Variants in ZNF429 observed in about 807,000 individuals in gnomAD.
ZNF429 encodes the protein zinc finger protein 429.
ZNF429 carries 53 observed loss-of-function variants against 56.8 expected under a neutral mutation model. The ratio of observed to expected loss-of-function variants is 0.93; its 90% CI spans 0.75 to 1.17. ZNF429 has a LOEUF of 1.17. Among genes scored for constraint, ZNF429 ranks in the 50% most tolerant of loss-of-function variants. The probability of loss-of-function intolerance (pLI) is 0.00; values close to 1 mark genes in which losing one functional copy is unlikely to be tolerated. For synonymous variants in ZNF429, 278 were observed against 264.7 expected, an observed-to-expected ratio of 1.05 and a Z score of -0.49; for missense variants, 849 against 788.4, an observed-to-expected ratio of 1.08 and a Z score of -0.92.
At position 21,539,210 on chromosome 19, in the gene ZNF429, A is replaced by G. The variant is rs902466382; in HGVS notation, c.*1132A>G. Among the ~76,000 whole-genome samples, 1 of 152,166 alleles carries G rather than the reference A, an allele frequency of 6.6e-6. No homozygotes were observed. Among genetic ancestry groups the G allele is most frequent in the Non-Finnish European group, 1.5e-5 (1 of 68,016 alleles). On this transcript the variant is annotated 3_prime_UTR_variant, in exon 4 of 4. Coordinates refer to ENST00000358491, the MANE Select transcript of ZNF429 (RefSeq NM_001001415.4). The stretch of plus-strand genomic sequence containing the variant: ...TCATACATAGATATGTATGATATTG[A>G]ATACATGTATTAAATACATAGAATA...
At position 21,538,676 on chromosome 19, in the gene ZNF429, C is replaced by G. The variant is rs1174436776; in HGVS notation, c.*598C>G. 1 of 152,094 alleles carries G rather than the reference C, an allele frequency of 6.6e-6. No homozygotes were observed. The highest frequency in any genetic ancestry group is 2.1e-4 in the South Asian group (1 of 4,820). The allele number at this position is 152,094 out of a possible 1,614,324, so 9.4% of individuals were successfully genotyped here. ...TACAAATGTGTAGAATGTGGCAAAA[C>G]TCGTTTTAACTAATGCTCACATCTT... On this transcript the variant is annotated 3_prime_UTR_variant, in exon 4 of 4. Transcript: ENST00000358491.
chr19:21,532,711 T>C, intron 3 of ZNF429, among the ~76,000 whole-genome samples: 1 of 152,004 alleles, frequency 6.6e-6, no homozygotes, highest in Non-Finnish European at 1.5e-5. Context: ...TTTTTTTTTT[T>C]TTTGGAGACG....
chr19:21,522,524 C>T (rs1307228106), intron 1 of ZNF429, among the ~76,000 whole-genome samples: 1 of 152,160 alleles, frequency 6.6e-6, no homozygotes, highest in Non-Finnish European at 1.5e-5. Flanking sequence ...AATTACCATA[C>T]ATGATATAAA....
At chr19:21,529,863 AT>A in intron 2 of ZNF429, 79 bp downstream of exon 2, 7 of 1,068,006 alleles carry the variant, frequency 6.6e-6, no homozygotes, top group Non-Finnish European at 9.0e-6. Flanking sequence ...TTCTTTGGTA[AT>A]TTATGCTTTG....
rs543915241 is a variant in ZNF429, at chr19:21,519,504, T to A, written c.4-10154T>A. Among the ~76,000 whole-genome samples, 7 of 152,358 alleles carry A rather than the reference T, an allele frequency of 4.6e-5. No homozygotes were observed. The South Asian group carries it at 1.2e-3, about 27-fold the overall frequency. ...ACATAGTAAGAGTCATATGTAAGTC[T>A]GAGTTATAAACCTGTCATAGTATGA... On this transcript the variant is annotated intron_variant, in intron 1 of 3. Coordinates refer to ENST00000358491, the MANE Select transcript of ZNF429 (RefSeq NM_001001415.4).
At position 21,537,731 on chromosome 19, in the gene ZNF429, A is replaced by G. The variant is rs974555918; in HGVS notation, c.1678A>G (p.Thr560Ala). 2 of 1,614,072 alleles carry G rather than the reference A, an allele frequency of 1.2e-6. No homozygotes were observed. Among genetic ancestry groups the G allele is most frequent in the African/African-American group, 1.3e-5 (1 of 75,022 alleles). The change falls in exon 4 of 4, where the codon ACT becomes GCT. Residue 560 changes from threonine to alanine, a missense_variant. Coordinates refer to ENST00000358491, the MANE Select transcript of ZNF429 (RefSeq NM_001001415.4). ...SRLTQHKKIHTGEKPYKCKQC... is the reference protein window; with the variant it reads ...SRLTQHKKIHAGEKPYKCKQC... ...ACTTACTCAACATAAGAAAATTCAT[A>G]CTGGAGAGAAACCCTACAAATGTAA... is the stretch of plus-strand genomic sequence containing the variant.
In ZNF429 at chr19:21,539,369, A is replaced by T. The variant is rs1265498573; in HGVS notation, c.*1291A>T. Among the ~76,000 whole-genome samples the T allele has an allele frequency of 6.6e-6, 1 of 152,192 alleles. No individual in the cohort carries two copies. ...AAACTAAAGTTGTTAAATTATTTGT[A>T]TATAACTTTTAAAAGAGTGGAAGAT... On this transcript the variant is annotated 3_prime_UTR_variant, in exon 4 of 4. Transcript: ENST00000358491.
Position 21,537,219 on chromosome 19 carries a change from AAAT to A in ZNF429, c.1167_1169del (p.Lys389_Ile390delinsAsn). The A allele has an allele frequency of 6.2e-7, 1 of 1,613,180 alleles. No homozygotes were observed. Among genetic ancestry groups the A allele is most frequent in the Non-Finnish European group, 8.5e-7 (1 of 1,179,758 alleles). ...TCTTCAAGACTTACTCGACATAAAA[AAAT>A]TCATACTGGAGAGGAACCCTACAAA... On this transcript the variant is annotated inframe_deletion, in exon 4 of 4. Coordinates refer to ENST00000358491, the MANE Select transcript of ZNF429 (RefSeq NM_001001415.4).
At position 21,510,917 on chromosome 19, in the gene ZNF429, G is replaced by C. The variant is rs374422125; in HGVS notation, c.3+5143G>C. Among the ~76,000 whole-genome samples the C allele has an allele frequency of 9.9e-4, 151 of 152,064 alleles. 2 individuals are homozygous for C. In the East Asian group the frequency reaches 0.021, roughly 21 times the overall value. On this transcript the variant is annotated intron_variant, in intron 1 of 3. Coordinates refer to ENST00000358491, the MANE Select transcript of ZNF429 (RefSeq NM_001001415.4). The stretch of plus-strand genomic sequence containing the variant: ...TGGGGGTAAGGTCATAGATCAACAG[G>C]ATCCCAAGGCAGAAGAATTTTTCTT...
chr19:21,511,332 C>T (rs555510463), intron 1 of ZNF429, among the ~76,000 whole-genome samples: 180 of 151,870 alleles, frequency 1.2e-3, no homozygotes, highest in African/African-American at 4.0e-3. Flanking sequence ...GGACGGCTGC[C>T]AGGCGGAGGG....
intron 3 of ZNF429, among the ~76,000 whole-genome samples, chr19:21,535,500 T>TTTCTTTCTTTCTTTCTTTCTTTCTTTC: frequency 8.2e-6 from 1 of 122,514 alleles, no homozygotes; most frequent in East Asian, 2.2e-4. Context: ...TTCTTTCTTC[T>TTTCTTTCTTTCTTTCTTTCTTTCTTTC]TTCTTTCTTT....
intron 1 of ZNF429, among the ~76,000 whole-genome samples, chr19:21,528,470 C>T (rs1207679955): frequency 6.6e-6 from 1 of 152,022 alleles, no homozygotes; most frequent in African/African-American, 2.4e-5. Context: ...TTTGGGAGGC[C>T]GTGGTGGGTG....
At chr19:21,505,858 C>T (rs1178412954) in intron 1 of ZNF429, 84 bp downstream of exon 1, 2 of 1,486,872 alleles carry the variant, frequency 1.3e-6, no homozygotes, top group African/African-American at 1.4e-5. Context: ...ACTTAGGTCT[C>T]CCGGCAGTCA....
At chr19:21,507,080 T>G (rs1407775492) in intron 1 of ZNF429, among the ~76,000 whole-genome samples, 1 of 152,170 alleles carries the variant, frequency 6.6e-6, no homozygotes, top group African/African-American at 2.4e-5. Flanking sequence ...AGTTAGATCT[T>G]TTAAAAGTAG....
At position 21,526,873 on chromosome 19, in the gene ZNF429, G is replaced by A. The variant is rs55899216; in HGVS notation, c.4-2785G>A. Among the ~76,000 whole-genome samples the A allele has an allele frequency of 8.5e-3, 1,287 of 152,230 alleles. 11 individuals are homozygous for A. Among genetic ancestry groups the A allele is most frequent in the Non-Finnish European group, 0.011 (776 of 68,010 alleles). On this transcript the variant is annotated intron_variant, in intron 1 of 3. Coordinates refer to ENST00000358491, the MANE Select transcript of ZNF429 (RefSeq NM_001001415.4). ...GCTAGTTTGTTCTTGCAGTCAATCT[G>A]GAGCTAAAATTCACACTGTGAACCT...
In ZNF429 at chr19:21,535,472, CTTTCTTTCTTTCTTTCTTTCTTTCTTCT is replaced by C; in HGVS notation, c.227-805_227-778del. Among the ~76,000 whole-genome samples, 8 of 45,774 alleles carry C rather than the reference CTTTCTTTCTTTCTTTCTTTCTTTCTTCT, an allele frequency of 1.7e-4. 1 individual carries two copies. The highest frequency in any genetic ancestry group is 3.4e-4 in the Non-Finnish European group (8 of 23,718). 30.0% of individuals were successfully genotyped at this position (45,774 alleles called of 152,430 possible). ...TCTTTCTTTCTTTCTTTCTTTCTTT[CTTTCTTTCTTTCTTTCTTTCTTTCTTCT>C]TTCTTTCTTTCTTTCCTTCTTTTTC... is the stretch of plus-strand genomic sequence containing the variant. On this transcript the variant is annotated intron_variant, in intron 3 of 3. Coordinates refer to ENST00000358491, the MANE Select transcript of ZNF429 (RefSeq NM_001001415.4).
rs560744494 is a variant in ZNF429 at position 21,518,140 on chromosome 19, T to C, written c.4-11518T>C. On this transcript the variant is annotated intron_variant, in intron 1 of 3. Transcript: ENST00000358491. ...CTAAACTTGCTAGTGGTTTATCTTATTGATTTATTTAAAAGATTTAACTCC... is the reference window on the plus strand; with the variant it reads ...CTAAACTTGCTAGTGGTTTATCTTACTGATTTATTTAAAAGATTTAACTCC... 5.3e-5 allele frequency among the ~76,000 whole-genome samples: 8 copies of C among 152,372 alleles called. 1 individual carries two copies. In the South Asian group the frequency reaches 1.2e-3, roughly 24 times the overall value.
rs764047824 is a variant in ZNF429 at position 21,530,595 on chromosome 19, C to T, written c.137C>T (p.Ala46Val). The T allele has an allele frequency of 3.1e-6, 5 of 1,595,540 alleles. No individual in the cohort carries two copies. The East Asian group carries it at 1.1e-4, about 36-fold the overall frequency. ...NYRNLVFLGI[A>V]VSKPDLITCL... ...TTTATTTTTAATAAAACAGGTATTG[C>T]TGTTTCTAAGCCAGACCTAATCACT... The change falls in exon 3 of 4, where the codon GCT becomes GTT. Residue 46 changes from alanine (A) to valine (V), a missense_variant. Ala to Val is a moderately conservative substitution (Grantham distance 64). Transcript: ENST00000358491.
At chr19:21,535,466 TTC>T in intron 3 of ZNF429, among the ~76,000 whole-genome samples, 2 of 101,624 alleles carry the variant, frequency 2.0e-5, no homozygotes, top group African/African-American at 8.3e-5. Flanking sequence ...CTTTCTTTCT[TTC>T]TTTCTTTCTT....
Sources: gnomAD v4.1 joint callset for allele counts (sites outside exome capture counted in the v4.1 genomes callset) on GRCh38, gnomAD v4.1.1 for gene constraint, MANE v1.5 for transcripts, NCBI Gene and HGNC (gene_info 2026-07-23, HGNC 2026-07-21) for gene names.